Variants in CDH18 observed in about 807,000 individuals in gnomAD.
The protein encoded by CDH18 is cadherin-18.
A neutral mutation model predicts 67.9 loss-of-function variants in CDH18; 31 were observed. The observed-to-expected ratio is 0.46, with a 90% CI of 0.34 to 0.62. CDH18 has a LOEUF of 0.62. CDH18 is among the 20% of genes least tolerant of loss of function. The pLI, the probability that CDH18 is intolerant of heterozygous loss-of-function variation, is 0.01. For synonymous variants in CDH18, 362 were observed against 347.2 expected (o/e 1.04, Z -0.48); for missense variants, 890 against 975.5 (o/e 0.91, Z 1.17).
chr5:20,564,293 T>TTTATTTAC (rs755620696), intron 1 of CDH18, among the ~76,000 whole-genome samples: 5 of 148,758 alleles, frequency 3.4e-5, no homozygotes, highest in African/African-American at 1.2e-4. Flanking sequence ...TATTTATTTA[T>TTTATTTAC]TTTAGATGGA....
chr5:19,575,452 C>A (rs796528723), intron 7 of CDH18, among the ~76,000 whole-genome samples: 51 of 152,240 alleles, frequency 3.3e-4, no homozygotes, highest in African/African-American at 1.1e-3. Flanking sequence ...TTGCTGATAT[C>A]AAAAATGTAT....
At chr5:19,552,304 C>T (rs775459011) in intron 8 of CDH18, among the ~76,000 whole-genome samples, 4 of 151,958 alleles carry the variant, frequency 2.6e-5, no homozygotes, top group East Asian at 1.9e-4. Context: ...AATAAATTTG[C>T]GCCTCACCCA....
intron 5 of CDH18, among the ~76,000 whole-genome samples, chr5:19,715,485 A>G (rs1270817584): frequency 6.6e-6 from 1 of 152,110 alleles, no homozygotes; most frequent in East Asian, 1.9e-4. Flanking sequence ...TAGAGACACT[A>G]TTCTGAGTCA....
chr5:19,724,297 GT>G (rs1766514156), intron 4 of CDH18, among the ~76,000 whole-genome samples: 1 of 152,042 alleles, frequency 6.6e-6, no homozygotes, highest in Non-Finnish European at 1.5e-5. Flanking sequence ...TTTATATAGC[GT>G]TTTTGAAATG....
intron 2 of CDH18, among the ~76,000 whole-genome samples, chr5:20,246,316 T>C (rs576304815): frequency 6.6e-6 from 1 of 152,316 alleles, no homozygotes; most frequent in East Asian, 1.9e-4. Context: ...CAATGATGGC[T>C]TACTGTAATT....
chr5:19,707,179 T>C (rs910194897), intron 5 of CDH18, among the ~76,000 whole-genome samples: 6 of 151,780 alleles, frequency 4.0e-5, no homozygotes, highest in African/African-American at 9.7e-5. Flanking sequence ...AGACCCATCA[T>C]TGGCAGCATT....
intron 1 of CDH18, among the ~76,000 whole-genome samples, chr5:20,381,422 G>A (rs1743896373): frequency 1.3e-5 from 2 of 152,084 alleles, no homozygotes; most frequent in Non-Finnish European, 2.9e-5. Flanking sequence ...AGGATAGAAA[G>A]ATGGAAGGGT....
intron 1 of CDH18, among the ~76,000 whole-genome samples, chr5:20,333,613 T>C (rs1739410771): frequency 6.6e-6 from 1 of 151,704 alleles, no homozygotes; most frequent in African/African-American, 2.4e-5. Flanking sequence ...CTTTGCCTTG[T>C]TGATATTATG....
chr5:20,187,379 G>C (rs1256336223), intron 2 of CDH18, among the ~76,000 whole-genome samples: 1 of 151,776 alleles, frequency 6.6e-6, no homozygotes. Context: ...AGATAACCAT[G>C]GAATGTACTA....
At chr5:20,495,885 T>C (rs1251015004) in intron 1 of CDH18, among the ~76,000 whole-genome samples, 2 of 152,106 alleles carry the variant, frequency 1.3e-5, no homozygotes, top group Non-Finnish European at 2.9e-5. Flanking sequence ...CCATAGTTAT[T>C]AATGCATCTG....
chr5:20,299,809 C>G (rs1747825813), intron 1 of CDH18, among the ~76,000 whole-genome samples: 1 of 149,854 alleles, frequency 6.7e-6, no homozygotes, highest in Admixed American at 6.6e-5. Context: ...GTGCTTATGG[C>G]TCAATATTTC....
intron 3 of CDH18, among the ~76,000 whole-genome samples, chr5:19,790,531 A>T (rs183525263): frequency 6.6e-6 from 1 of 152,278 alleles, no homozygotes; most frequent in Admixed American, 6.5e-5. Flanking sequence ...TAAATTCTAT[A>T]AAGTAACAGT....
chr5:19,798,956 T>C (rs925436321), intron 3 of CDH18, among the ~76,000 whole-genome samples: 1 of 152,070 alleles, frequency 6.6e-6, no homozygotes, highest in Non-Finnish European at 1.5e-5. Context: ...AATACATTAT[T>C]ATATATTAAT....
intron 1 of CDH18, among the ~76,000 whole-genome samples, chr5:20,464,207 AAC>A (rs1751475041): frequency 6.6e-6 from 1 of 152,226 alleles, no homozygotes; most frequent in African/African-American, 2.4e-5. Flanking sequence ...CAAAAAAAGA[AAC>A]AGAGACAAAT....
intron 2 of CDH18, among the ~76,000 whole-genome samples, chr5:19,893,421 A>G (rs1451915266): frequency 2.0e-5 from 3 of 152,164 alleles, no homozygotes; most frequent in African/African-American, 7.2e-5. Context: ...TTCTAGACAC[A>G]AGGAATTGCT....
intron 1 of CDH18, among the ~76,000 whole-genome samples, chr5:20,277,964 G>A (rs1745929683): frequency 6.6e-6 from 1 of 152,112 alleles, no homozygotes; most frequent in Non-Finnish European, 1.5e-5. Context: ...AAACTACACA[G>A]TCGGAGGAGA....
chr5:20,390,978 C>A (rs531080801), intron 1 of CDH18, among the ~76,000 whole-genome samples: 1 of 151,760 alleles, frequency 6.6e-6, no homozygotes, highest in African/African-American at 2.4e-5. Context: ...ACACTGGGGC[C>A]TGTTGTGGGG....
chr5:19,886,916 C>T lies in CDH18; in HGVS notation c.-256-47674G>A, dbSNP rs77689596. The stretch of plus-strand genomic sequence containing the variant: ...TGTCGGATGTATCCATTTCATAAAA[C>T]ATAGCAGTAGCTTGATCTTTACATT... On this transcript the variant is annotated intron_variant, in intron 2 of 12. Transcript: ENST00000382275. Among the ~76,000 whole-genome samples, 1,455 of 152,220 alleles carry T rather than the reference C, an allele frequency of 9.6e-3. 19 individuals are homozygous for T. The highest frequency in any genetic ancestry group is 0.034 in the African/African-American group (1,396 of 41,530).
At chr5:20,233,961 G>T (rs1371464319) in intron 2 of CDH18, among the ~76,000 whole-genome samples, 1 of 152,024 alleles carries the variant, frequency 6.6e-6, no homozygotes, top group Non-Finnish European at 1.5e-5. Flanking sequence ...GTATGACTTA[G>T]ACTTCAAAAA....
Sources: allele counts gnomAD v4.1 joint callset (sites outside exome capture counted in the v4.1 genomes callset), GRCh38; gene constraint gnomAD v4.1.1; transcripts MANE v1.5; gene names NCBI Gene and HGNC (gene_info 2026-07-23, HGNC 2026-07-21).